CNTNAP2: variants seen among roughly 807,000 people sequenced by gnomAD.
The protein encoded by CNTNAP2 is contactin associated protein 2, also known as contactin-associated protein-like 2.
A neutral mutation model predicts 155.2 loss-of-function variants in CNTNAP2; 98 were observed. The observed-to-expected ratio is 0.63, with a 90% CI of 0.54 to 0.75. The LOEUF is 0.75. Among genes scored for constraint, CNTNAP2 ranks in the 30% least tolerant of loss-of-function variants. The pLI, the probability that CNTNAP2 is intolerant of heterozygous loss-of-function variation, is 0.00. For synonymous variants in CNTNAP2, 651 were observed against 631.2 expected (o/e 1.03, Z -0.47); for missense variants, 1,727 against 1,688.1 (o/e 1.02, Z -0.40).
chr7:147,943,086 C>T (rs146194875), intron 14 of CNTNAP2, among the ~76,000 whole-genome samples: 275 of 151,984 alleles, frequency 1.8e-3, no homozygotes, highest in African/African-American at 6.4e-3. Flanking sequence ...GGAACCCTAC[C>T]TTCCCCTGAA....
intron 15 of CNTNAP2, among the ~76,000 whole-genome samples, chr7:147,987,571 T>G (rs912189069): frequency 1.3e-5 from 2 of 152,250 alleles, no homozygotes; most frequent in African/African-American, 4.8e-5. Flanking sequence ...AAGACATTTA[T>G]TCTGAGCCAA....
chr7:147,326,032 C>T (rs890098720), intron 9 of CNTNAP2, among the ~76,000 whole-genome samples: 10 of 152,142 alleles, frequency 6.6e-5, no homozygotes, highest in Non-Finnish European at 1.3e-4. Flanking sequence ...ATGCCATTCT[C>T]CTGCCTCAGC....
intron 1 of CNTNAP2, among the ~76,000 whole-genome samples, chr7:146,283,202 GTAT>G (rs1350814603): frequency 2.0e-5 from 3 of 152,100 alleles, no homozygotes; most frequent in Non-Finnish European, 2.9e-5. Flanking sequence ...TTCAAATTTG[GTAT>G]TATTGTGAAA....
chr7:147,166,894 C>G (rs1041774059), intron 8 of CNTNAP2, among the ~76,000 whole-genome samples: 1 of 152,062 alleles, frequency 6.6e-6, no homozygotes, highest in Non-Finnish European at 1.5e-5. Flanking sequence ...GATGGCTTAG[C>G]TTGGGCTCAG....
At chr7:148,202,927 T>A (rs1021992568) in intron 18 of CNTNAP2, among the ~76,000 whole-genome samples, 2 of 152,324 alleles carry the variant, frequency 1.3e-5, no homozygotes, top group African/African-American at 2.4e-5. Context: ...TTTTTCTTTT[T>A]TCCTCCTTCT....
At chr7:147,734,982 G>C (rs1367201899) in intron 13 of CNTNAP2, among the ~76,000 whole-genome samples, 4 of 77,214 alleles carry the variant, frequency 5.2e-5, no homozygotes, top group African/African-American at 1.6e-4. Flanking sequence ...TGGATTCATT[G>C]ATTTTTTTTT....
intron 1 of CNTNAP2, among the ~76,000 whole-genome samples, chr7:146,551,152 G>A (rs905372708): frequency 6.6e-6 from 1 of 152,024 alleles, no homozygotes; most frequent in Non-Finnish European, 1.5e-5. Flanking sequence ...AATTCTGGTG[G>A]ATGTTTACAC....
At chr7:148,181,895 C>T (rs367918547) in intron 18 of CNTNAP2, among the ~76,000 whole-genome samples, 1 of 151,458 alleles carries the variant, frequency 6.6e-6, no homozygotes, top group East Asian at 2.0e-4. Flanking sequence ...GTAGCTGGGA[C>T]TACAGGCGCC....
chr7:147,578,157 T>A (rs112607145), intron 12 of CNTNAP2, among the ~76,000 whole-genome samples: 10 of 152,296 alleles, frequency 6.6e-5, no homozygotes, highest in African/African-American at 2.4e-4. Context: ...GTGATTTTTT[T>A]AATCAGTTAT....
chr7:146,546,897 T>C (rs1313687170), intron 1 of CNTNAP2, among the ~76,000 whole-genome samples: 1 of 151,938 alleles, frequency 6.6e-6, no homozygotes, highest in Admixed American at 6.6e-5. Flanking sequence ...CCCATGATTA[T>C]GGGAACTACA....
chr7:146,229,314 T>C (rs912201854), intron 1 of CNTNAP2, among the ~76,000 whole-genome samples: 8 of 152,228 alleles, frequency 5.3e-5, no homozygotes, highest in African/African-American at 1.7e-4. Flanking sequence ...TTTTAAGCCA[T>C]GAAACTTTTT....
At chr7:146,229,596 AT>A (rs145669725) in intron 1 of CNTNAP2, among the ~76,000 whole-genome samples, 2,383 of 150,722 alleles carry the variant, frequency 0.016, 50 homozygotes, top group African/African-American at 0.053. Context: ...TGTTACATTA[AT>A]TTTTTTTTTA....
In CNTNAP2 at chr7:147,986,107, C is replaced by A. The variant is rs575357713; in HGVS notation, c.2383+8118C>A. 2.0e-5 allele frequency among the ~76,000 whole-genome samples: 3 copies of A among 152,246 alleles called. No homozygotes were observed. In the South Asian group the frequency reaches 6.2e-4, roughly 32 times the overall value. On this transcript the variant is annotated intron_variant, in intron 15 of 23. Transcript: ENST00000361727. ...CTACTATTGTTCTGAAAGCTTATCT[C>A]TGATTCAGCCCCACCCAGAAAAGAG...
chr7:147,562,842 T>C (rs1304614754), intron 12 of CNTNAP2, among the ~76,000 whole-genome samples: 2 of 152,310 alleles, frequency 1.3e-5, no homozygotes, highest in East Asian at 3.9e-4. Flanking sequence ...GTGTAAAATG[T>C]GCAGATCTCT....
chr7:148,314,010 T>C (rs1797641658), intron 21 of CNTNAP2, among the ~76,000 whole-genome samples: 1 of 152,062 alleles, frequency 6.6e-6, no homozygotes, highest in African/African-American at 2.4e-5. Flanking sequence ...GGGGAGAGCT[T>C]GTCACTGAAC....
chr7:146,514,500 G>T (rs939894296), intron 1 of CNTNAP2, among the ~76,000 whole-genome samples: 9 of 151,978 alleles, frequency 5.9e-5, no homozygotes. Flanking sequence ...GATCAGTCCT[G>T]CTGCTGAGAC....
At chr7:148,193,896 T>C (rs1269182165) in intron 18 of CNTNAP2, among the ~76,000 whole-genome samples, 1 of 151,550 alleles carries the variant, frequency 6.6e-6, no homozygotes, top group East Asian at 2.0e-4. Flanking sequence ...ACTCTCCCCA[T>C]GTGGAGAATC....
At chr7:148,369,617 T>C (rs1361514266) in intron 21 of CNTNAP2, among the ~76,000 whole-genome samples, 1 of 150,764 alleles carries the variant, frequency 6.6e-6, no homozygotes, top group Non-Finnish European at 1.5e-5. Context: ...GGAAATGGGT[T>C]TGTGAGAAAT....
At chr7:147,507,397 C>T (rs1226199737) in intron 11 of CNTNAP2, among the ~76,000 whole-genome samples, 1 of 152,084 alleles carries the variant, frequency 6.6e-6, no homozygotes, top group Admixed American at 6.5e-5. Flanking sequence ...CCGCTCCTCC[C>T]CACACCAGTC....
Sources: gnomAD v4.1 joint callset for allele counts (sites outside exome capture counted in the v4.1 genomes callset) on GRCh38, gnomAD v4.1.1 for gene constraint, MANE v1.5 for transcripts, NCBI Gene and HGNC (gene_info 2026-07-23, HGNC 2026-07-21) for gene names.